Variants in KCNK9 observed in about 807,000 individuals in gnomAD.
The protein encoded by KCNK9 is potassium two pore domain channel subfamily K member 9.
Under a neutral mutation model 10.8 loss-of-function variants are expected in KCNK9, and 1 was observed. The observed-to-expected ratio is 0.09, with a 90% confidence interval of 0.03 to 0.44. The LOEUF is 0.44. KCNK9 is among the 20% of genes least tolerant of loss of function. The pLI is 0.97. For synonymous variants in KCNK9, 231 were observed against 222.7 expected (o/e 1.04, Z -0.33); for missense variants, 303 against 515.0 (o/e 0.59, Z 3.98).
chr8:139,692,198 C>T (rs1404844614), intron 1 of KCNK9, among the ~76,000 whole-genome samples: 1 of 152,222 alleles, frequency 6.6e-6, no homozygotes. Context: ...TCTGCCTGCC[C>T]CACGCTTCGC....
rs73725106 is a variant in KCNK9 at position 139,674,581 on chromosome 8, G to A, written c.283+28129C>T. ...CTCATGCCTAGGCCACACAGCAAAA[G>A]GGAGGAGCCGGGACTCCAACCCAAG... On this transcript the variant is annotated intron_variant, in intron 1 of 1. Transcript: ENST00000520439. 9.4e-3 allele frequency among the ~76,000 whole-genome samples: 1,432 copies of A among 152,314 alleles called. 19 individuals are homozygous for A. The highest frequency in any genetic ancestry group is 0.033 in the African/African-American group (1,379 of 41,570).
At chr8:139,612,895 G>A (rs544754924), downstream of KCNK9, among the ~76,000 whole-genome samples, 2 of 152,170 alleles carry the variant, frequency 1.3e-5, no homozygotes, top group African/African-American at 4.8e-5. Flanking sequence ...TCTCAAAAAG[G>A]CCAACATTGT....
rs765898630 is a variant in KCNK9 at position 139,618,590 on chromosome 8, C to A, written c.793G>T (p.Ala265Ser). The A allele has an allele frequency of 4.3e-6, 7 of 1,613,570 alleles. No homozygotes were observed. Among genetic ancestry groups the A allele is most frequent in the Admixed American group, 1.7e-5 (1 of 60,000 alleles). ...RRDAEERASL[A>S]GNRNSMVIHI... is the part of the protein sequence containing the mutation. ...ATGACCATGCTGTTGCGGTTTCCGG[C>A]GAGGGATGCCCTCTCTTCAGCATCC... The change falls in exon 2 of 2, where the codon GCC becomes TCC. Residue 265 changes from alanine (A) to serine (S), a missense_variant. By Grantham distance (99) the Ala-to-Ser change is moderately conservative (BLOSUM62 1). Transcript: ENST00000520439. The surrounding 1 kb of genome is among the most constrained non-coding windows in gnomAD (Gnocchi z 7.9).
At chr8:139,614,704 C>T (rs576917424), downstream of KCNK9, among the ~76,000 whole-genome samples, 1 of 152,306 alleles carries the variant, frequency 6.6e-6, no homozygotes, top group South Asian at 2.1e-4. Context: ...GCACTTTCCA[C>T]CCAGGATGGG....
chr8:139,613,398 A>G (rs1306308897), downstream of KCNK9, among the ~76,000 whole-genome samples: 1 of 152,212 alleles, frequency 6.6e-6, no homozygotes, highest in Admixed American at 6.5e-5. Context: ...AGAACCACAT[A>G]GAATGGATTT....
In KCNK9 at chr8:139,692,259, T is replaced by C. The variant is rs774836992; in HGVS notation, c.283+10451A>G. Among the ~76,000 whole-genome samples the C allele has an allele frequency of 5.4e-4, 82 of 152,232 alleles. 1 individual carries two copies. Among genetic ancestry groups the C allele is most frequent in the Non-Finnish European group, 9.8e-4 (67 of 68,044 alleles). Reference sequence around the variant, plus strand: ...TGCTCAAGTCCTTGTTACCTGGCTTTTCTGCTAGAGGCTCCTGAACACGAT... The same window carrying C: ...TGCTCAAGTCCTTGTTACCTGGCTTCTCTGCTAGAGGCTCCTGAACACGAT... On this transcript the variant is annotated intron_variant, in intron 1 of 1. Coordinates refer to ENST00000520439, the MANE Select transcript of KCNK9 (RefSeq NM_001282534.2).
intron 1 of KCNK9, among the ~76,000 whole-genome samples, chr8:139,665,224 G>A (rs1816269127): frequency 1.3e-5 from 2 of 152,262 alleles, no homozygotes; most frequent in African/African-American, 4.8e-5. Flanking sequence ...ATCCGGGAGA[G>A]GTCACTCCCT....
intron 1 of KCNK9, among the ~76,000 whole-genome samples, chr8:139,661,698 G>A (rs1407009522): frequency 6.6e-6 from 1 of 152,208 alleles, no homozygotes; most frequent in Non-Finnish European, 1.5e-5. Flanking sequence ...AACAGGGACT[G>A]GTGTCTACAA....
At chr8:139,687,919 CATA>C (rs1462280269) in intron 1 of KCNK9, among the ~76,000 whole-genome samples, 2 of 151,640 alleles carry the variant, frequency 1.3e-5, no homozygotes, top group East Asian at 3.9e-4. Flanking sequence ...TATATATAGT[CATA>C]ATAATAATTT....
intron 1 of KCNK9, among the ~76,000 whole-genome samples, chr8:139,663,237 G>A: frequency 6.6e-6 from 1 of 152,024 alleles, no homozygotes. Flanking sequence ...CAGGGTCCCA[G>A]TGAATCCTCC....
At chr8:139,627,625 A>G (rs1815018089) in intron 1 of KCNK9, among the ~76,000 whole-genome samples, 1 of 152,262 alleles carries the variant, frequency 6.6e-6, no homozygotes, top group South Asian at 2.1e-4. Context: ...GCTCACAGAC[A>G]GTTCATTCTG....
chr8:139,701,671 G>GGGGCAAGTGAA (rs1817223530), intron 1 of KCNK9, among the ~76,000 whole-genome samples: 1 of 152,134 alleles, frequency 6.6e-6, no homozygotes, highest in Non-Finnish European at 1.5e-5. Context: ...GAGGCAGCCT[G>GGGGCAAGTGAA]CCTCACTGGG....
chr8:139,681,202 T>C (rs1816680902), intron 1 of KCNK9, among the ~76,000 whole-genome samples: 1 of 152,104 alleles, frequency 6.6e-6, no homozygotes, highest in Non-Finnish European at 1.5e-5. Flanking sequence ...TTCCACCCAT[T>C]TTACATATGG....
intron 1 of KCNK9, among the ~76,000 whole-genome samples, chr8:139,640,250 G>A (rs1815462917): frequency 6.6e-6 from 1 of 152,210 alleles, no homozygotes; most frequent in Non-Finnish European, 1.5e-5. Context: ...TCCCAGCTCT[G>A]GCACATCAGC....
chr8:139,690,395 T>C (rs1816913484), intron 1 of KCNK9, among the ~76,000 whole-genome samples: 1 of 152,122 alleles, frequency 6.6e-6, no homozygotes, highest in African/African-American at 2.4e-5. Context: ...AGCTCTTTGG[T>C]TGTGGTAAGA....
At chr8:139,622,790 G>A (rs1388740303) in intron 1 of KCNK9, among the ~76,000 whole-genome samples, 4 of 152,118 alleles carry the variant, frequency 2.6e-5, no homozygotes, top group East Asian at 1.9e-4. Flanking sequence ...ACAGGCCTGC[G>A]AATATTAAGT....
intron 1 of KCNK9, among the ~76,000 whole-genome samples, chr8:139,632,468 A>C: frequency 6.6e-6 from 1 of 152,204 alleles, no homozygotes; most frequent in Non-Finnish European, 1.5e-5. Flanking sequence ...TAGCAGAGAC[A>C]GACAGTGTCT....
chr8:139,615,068 TGAAA>T (rs1401853770), downstream of KCNK9, among the ~76,000 whole-genome samples: 5 of 152,206 alleles, frequency 3.3e-5, no homozygotes, highest in East Asian at 7.7e-4. Context: ...ATCACTTGGA[TGAAA>T]GAAAGAAATT....
At chr8:139,619,665 C>A (rs1363126105) in intron 1 of KCNK9, among the ~76,000 whole-genome samples, 1 of 152,110 alleles carries the variant, frequency 6.6e-6, no homozygotes, top group Non-Finnish European at 1.5e-5. Context: ...TGATTCCAAC[C>A]CCACTGACAA....
Sources: gnomAD v4.1 joint callset for allele counts (sites outside exome capture counted in the v4.1 genomes callset) on GRCh38, gnomAD v4.1.1 for gene constraint, Gnocchi (gnomAD v3.1) non-coding constraint, MANE v1.5 for transcripts, NCBI Gene and HGNC (gene_info 2026-07-23, HGNC 2026-07-21) for gene names.